The following COPA variants were observed in gnomAD, a reference collection of about 807,000 sequenced individuals.
COPA encodes coatomer subunit alpha.
COPA carries 10 observed loss-of-function variants against 158.7 expected under a neutral mutation model. That is an observed-to-expected ratio of 0.06 (90% CI 0.04 to 0.11). The LOEUF (loss-of-function observed/expected upper bound fraction) is 0.11, where lower values mean the gene tolerates loss of function less well. Among genes scored for constraint, COPA ranks in the 10% least tolerant of loss-of-function variants. COPA has a pLI of 1.00. For synonymous variants in COPA, 462 were observed against 542.8 expected (o/e 0.85, Z 2.07); for missense variants, 1,065 against 1,536.7 (o/e 0.69, Z 5.13).
At chr1:160,333,871 C>A (rs993553141) in intron 4 of COPA, among the ~76,000 whole-genome samples, 192 bp from the exon 5 acceptor site, 3 of 152,214 alleles carry the variant, frequency 2.0e-5, no homozygotes, top group Admixed American at 2.0e-4. Context: ...AACTTCGGCA[C>A]TTTCACCTAT....
chr1:160,305,210 T>G, intron 17 of COPA: 1 of 469,648 alleles, frequency 2.1e-6, no homozygotes, highest in Non-Finnish European at 3.8e-6. Context: ...ACATAACTTA[T>G]TTGTTATTCT....
intron 10 of COPA, 104 bp downstream of exon 10, chr1:160,312,981 C>T (rs1659016263): frequency 9.8e-7 from 1 of 1,023,936 alleles, no homozygotes; most frequent in Non-Finnish European, 1.4e-6. Context: ...CCTTCTTCTT[C>T]TTGTCATCCT....
At chr1:160,305,928 C>T (rs1468187891) in intron 15 of COPA, 155 bp from the exon 16 acceptor site, 6 of 672,452 alleles carry the variant, frequency 8.9e-6, no homozygotes, top group Non-Finnish European at 1.3e-5. Context: ...TACATAGTAG[C>T]TCAGTGACTT....
chr1:160,306,313 CA>C, intron 15 of COPA, 40 bp downstream of exon 15: 1 of 1,532,758 alleles, frequency 6.5e-7, no homozygotes, highest in Non-Finnish European at 8.7e-7. Context: ...CCACTCTCCC[CA>C]ACTACAGGGC....
chr1:160,298,181 C>CA (rs1223884814), intron 19 of COPA, among the ~76,000 whole-genome samples: 10 of 130,394 alleles, frequency 7.7e-5, no homozygotes, highest in Admixed American at 3.2e-4. Context: ...GACTCCGCCT[C>CA]AAAAAAAAGA....
At chr1:160,309,945 G>C (rs1161799563) in intron 12 of COPA, among the ~76,000 whole-genome samples, 2 of 152,082 alleles carry the variant, frequency 1.3e-5, no homozygotes, top group African/African-American at 2.4e-5. Flanking sequence ...TATTTCTAGT[G>C]ATCTGGGTCA....
In COPA at chr1:160,305,525, A is replaced by G. The variant is rs1375369394; in HGVS notation, c.1575T>C (p.His525=). The G allele has an allele frequency of 5.0e-6, 8 of 1,614,110 alleles. No homozygotes were observed. The highest frequency in any genetic ancestry group is 4.5e-5 in the East Asian group (2 of 44,876). The change falls in exon 17 of 33, where the codon CAT becomes CAC. Residue 525 remains histidine, a synonymous_variant. Coordinates refer to ENST00000241704, the MANE Select transcript of COPA (RefSeq NM_004371.4). Reference sequence around the variant, plus strand: ...CCCCACTCTTGACACGAATGTTCTCATGAATGTTACATAAAGCATCCAGTT... The same window carrying G: ...CCCCACTCTTGACACGAATGTTCTCGTGAATGTTACATAAAGCATCCAGTT... ...NRKLDALCNI[H]ENIRVKSGAW...
chr1:160,325,656 T>C lies in COPA; in HGVS notation c.497-4A>G, dbSNP rs1167205143. 1.9e-6 allele frequency: 3 copies of C among 1,608,348 alleles called. No individual in the cohort carries two copies. Among genetic ancestry groups the C allele is most frequent in the Non-Finnish European group, 1.7e-6 (2 of 1,174,800 alleles). On this transcript the variant is annotated splice_polypyrimidine_tract_variant and splice_region_variant and intron_variant, in intron 6 of 32. Coordinates refer to ENST00000241704, the MANE Select transcript of COPA (RefSeq NM_004371.4). ...GACAGGTTTTTTTTCCTCAGACCTT[T>C]GAAGGGATAAGGAGTGGGATGAAAG...
At chr1:160,341,251 T>C (rs992337201) in intron 1 of COPA, among the ~76,000 whole-genome samples, 1 of 152,230 alleles carries the variant, frequency 6.6e-6, no homozygotes, top group African/African-American at 2.4e-5. Flanking sequence ...CACATAGACA[T>C]AGGCTTTAGT....
chr1:160,341,023 T>C (rs1206376863), intron 1 of COPA, among the ~76,000 whole-genome samples: 1 of 152,214 alleles, frequency 6.6e-6, no homozygotes, highest in Non-Finnish European at 1.5e-5. Context: ...ACCTTGTTTA[T>C]TTGCCTTCTC....
At chr1:160,325,410 G>A (rs938438446) in intron 7 of COPA, 133 bp downstream of exon 7, 2 of 721,116 alleles carry the variant, frequency 2.8e-6, no homozygotes, top group African/African-American at 3.5e-5. Context: ...TTGATTTCTA[G>A]TACCTCAAAC....
intron 3 of COPA, chr1:160,339,488 ATTTCTCCAGGT>A (rs1020344614): frequency 1.3e-5 from 2 of 156,666 alleles, no homozygotes; most frequent in African/African-American, 4.8e-5. Flanking sequence ...TTCTCTCACC[ATTTCTCCAGGT>A]TTTCTCCATA....
intron 1 of COPA, among the ~76,000 whole-genome samples, chr1:160,342,204 C>T (rs1421721723): frequency 6.6e-6 from 1 of 152,178 alleles, no homozygotes; most frequent in Admixed American, 6.5e-5. Context: ...TTAAGTAAGT[C>T]ATCCAAGTCA....
At position 160,312,033 on chromosome 1, in the gene COPA, G is replaced by A. The variant is rs776843863; in HGVS notation, c.926-15C>T. 3.4e-5 allele frequency: 55 copies of A among 1,608,720 alleles called. No individual in the cohort carries two copies. Among genetic ancestry groups the A allele is most frequent in the Admixed American group, 2.0e-4 (12 of 59,450 alleles). ...ACCATCATGGCCTGGGGGACAGGGA[G>A]AGGAGGAGAAAAAATTAAGCTGTAG... On this transcript the variant is annotated splice_polypyrimidine_tract_variant and intron_variant, in intron 10 of 32. Transcript: ENST00000241704.
rs1658339800 is a variant in COPA, at chr1:160,294,562, C to A, written c.2598G>T (p.Gly866=). 1 of 1,613,988 alleles carries A rather than the reference C, an allele frequency of 6.2e-7. No homozygotes were observed. The highest frequency in any genetic ancestry group is 1.3e-5 in the African/African-American group (1 of 74,896). ...DGFVEATEGL[G]DDALGKGQEE... is the part of the protein sequence containing the mutation. ...CCTGTCCCTTGCCAAGAGCATCATC[C>A]CCCAAACCTTCTGTAGCCTCCACAA... The change falls in exon 25 of 33, where the codon GGG becomes GGT. Residue 866 remains glycine, a synonymous_variant. Transcript: ENST00000241704.
chr1:160,293,016 A>T, intron 27 of COPA, 150 bp downstream of exon 27: 1 of 798,632 alleles, frequency 1.3e-6, no homozygotes. Context: ...ACAGGAAGGC[A>T]AGTGTACTTA....
intron 6 of COPA, among the ~76,000 whole-genome samples, chr1:160,330,353 T>C (rs951467618): frequency 2.0e-5 from 3 of 152,228 alleles, no homozygotes; most frequent in Non-Finnish European, 4.4e-5. Flanking sequence ...CCTGTTGGCA[T>C]GGCTGGTCAC....
chr1:160,313,438 G>A (rs1009603649), intron 9 of COPA, among the ~76,000 whole-genome samples: 6 of 150,922 alleles, frequency 4.0e-5, no homozygotes, highest in South Asian at 2.1e-4. Context: ...TTTTTGAGAC[G>A]GAGTCTCGCT....
chr1:160,291,581 A>C (rs1316433498), intron 30 of COPA, 85 bp from the exon 31 acceptor site: 3 of 1,486,622 alleles, frequency 2.0e-6, no homozygotes, highest in Middle Eastern at 1.8e-4. Context: ...TGCATAAAAA[A>C]CACAACACAA....
Sources: allele counts gnomAD v4.1 joint callset (sites outside exome capture counted in the v4.1 genomes callset), GRCh38; gene constraint gnomAD v4.1.1; transcripts MANE v1.5; gene names NCBI Gene and HGNC (gene_info 2026-07-23, HGNC 2026-07-21).